GALNT7: variants seen among roughly 807,000 people sequenced by gnomAD.
GALNT7 encodes the protein polypeptide N-acetylgalactosaminyltransferase 7.
Under a neutral mutation model 82.1 loss-of-function variants are expected in GALNT7, and 60 were observed. The observed-to-expected ratio is 0.73, with a 90% confidence interval of 0.59 to 0.91. GALNT7 has a LOEUF of 0.91. GALNT7 is among the 40% of genes least tolerant of loss of function. The pLI is 0.00. For synonymous variants in GALNT7, 243 were observed against 275.1 expected, an observed-to-expected ratio of 0.88 and a Z score of 1.15; for missense variants, 660 against 804.2, an observed-to-expected ratio of 0.82 and a Z score of 2.17.
At position 173,318,571 on chromosome 4, in the gene GALNT7, T is replaced by C. The variant is rs1186484383; in HGVS notation, c.1836+12T>C. ...GGCAGTACTTCAAGGTATTCTGCAT[T>C]TTAACTTCTGAAATATTATATGCTT... On this transcript the variant is annotated intron_variant, in intron 11 of 11. Coordinates refer to ENST00000265000, the MANE Select transcript of GALNT7 (RefSeq NM_017423.3). The C allele has an allele frequency of 2.0e-6, 3 of 1,485,340 alleles. No homozygotes were observed. The highest frequency in any genetic ancestry group is 2.8e-6 in the Non-Finnish European group (3 of 1,067,642). 92.0% of individuals were successfully genotyped at this position (1,485,340 alleles called of 1,614,324 possible).
At chr4:173,178,052 T>TGTGTGTGCGCGCGCGCGCGCGC (rs563102408) in intron 1 of GALNT7, among the ~76,000 whole-genome samples, 3 of 129,510 alleles carry the variant, frequency 2.3e-5, no homozygotes, top group South Asian at 2.6e-4. Flanking sequence ...TGTGTGTGTG[T>TGTGTGTGCGCGCGCGCGCGCGC]GCGCGCACGC....
Position 173,313,928 on chromosome 4 carries a change from G to GATAT in GALNT7, c.1390-17_1390-14dup, listed in dbSNP as rs138768800. ...GATATGACATTTGTATTTTTATAAC[G>GATAT]ATATATATATATATATTTTTTTTTT... is the stretch of plus-strand genomic sequence containing the variant. On this transcript the variant is annotated intron_variant, in intron 8 of 11. Transcript: ENST00000265000. 582 of 943,604 alleles carry GATAT rather than the reference G, an allele frequency of 6.2e-4. 3 individuals are homozygous for GATAT. The East Asian group carries it at 0.013, about 21-fold the overall frequency. 58.5% of individuals were successfully genotyped at this position (943,604 alleles called of 1,614,324 possible). A position where few individuals can be genotyped will look rare whatever the true frequency, so the allele number is the denominator to read the frequency against.
chr4:173,187,997 A>G (rs1247999465), intron 1 of GALNT7, among the ~76,000 whole-genome samples: 1 of 152,142 alleles, frequency 6.6e-6, no homozygotes, highest in East Asian at 1.9e-4. Flanking sequence ...CTTCTTTTCT[A>G]TGTCTTTGCA....
intron 1 of GALNT7, among the ~76,000 whole-genome samples, chr4:173,200,167 T>G (rs1227186210): frequency 6.6e-6 from 1 of 152,240 alleles, no homozygotes; most frequent in Non-Finnish European, 1.5e-5. Context: ...CAATTATATA[T>G]CTAACTTCTG....
At chr4:173,219,764 A>ATT (rs200106345) in intron 1 of GALNT7, among the ~76,000 whole-genome samples, 1 of 151,340 alleles carries the variant, frequency 6.6e-6, no homozygotes, top group East Asian at 1.9e-4. Context: ...GCATTTTTTC[A>ATT]TTTTTTTTGG....
chr4:173,217,209 T>C (rs1048566156), intron 1 of GALNT7, among the ~76,000 whole-genome samples: 1 of 152,122 alleles, frequency 6.6e-6, no homozygotes, highest in African/African-American at 2.4e-5. Flanking sequence ...TGCATATACA[T>C]GTATAGGCAT....
intron 1 of GALNT7, among the ~76,000 whole-genome samples, chr4:173,232,180 T>C (rs1579935824): frequency 2.6e-5 from 4 of 151,976 alleles, no homozygotes; most frequent in Non-Finnish European, 5.9e-5. Context: ...GACTGACTAA[T>C]GAGTACAGGG....
chr4:173,215,379 TGC>T (rs1733412238), intron 1 of GALNT7, among the ~76,000 whole-genome samples: 1 of 152,066 alleles, frequency 6.6e-6, no homozygotes, highest in African/African-American at 2.4e-5. Context: ...TACAGGCGTG[TGC>T]CACCATGCCT....
At chr4:173,189,922 G>T (rs1425572910) in intron 1 of GALNT7, among the ~76,000 whole-genome samples, 1 of 151,740 alleles carries the variant, frequency 6.6e-6, no homozygotes, top group Non-Finnish European at 1.5e-5. Flanking sequence ...AACTTTAAGG[G>T]ATAGTAAATA....
intron 1 of GALNT7, among the ~76,000 whole-genome samples, chr4:173,175,038 G>C (rs75746885): frequency 0.014 from 2,133 of 152,302 alleles, 46 homozygotes; most frequent in African/African-American, 0.047. Context: ...TCTGTAAACA[G>C]AATATGTGGA....
intron 1 of GALNT7, among the ~76,000 whole-genome samples, chr4:173,188,796 T>G (rs1201373082): frequency 6.6e-5 from 10 of 152,222 alleles, no homozygotes; most frequent in African/African-American, 2.4e-4. Flanking sequence ...CCTGACCACT[T>G]GAGTCCATAC....
chr4:173,184,994 A>G (rs996162031), intron 1 of GALNT7, among the ~76,000 whole-genome samples: 5 of 152,230 alleles, frequency 3.3e-5, no homozygotes, highest in South Asian at 2.1e-4. Flanking sequence ...TTAGATACAT[A>G]TTAATTTACC....
intron 2 of GALNT7, among the ~76,000 whole-genome samples, chr4:173,259,805 T>G (rs1735191472): frequency 6.6e-6 from 1 of 152,048 alleles, no homozygotes; most frequent in African/African-American, 2.4e-5. Flanking sequence ...GCCCAGCTAG[T>G]TTTTGTATTT....
At chr4:173,223,003 T>C (rs1733691179) in intron 1 of GALNT7, among the ~76,000 whole-genome samples, 1 of 152,230 alleles carries the variant, frequency 6.6e-6, no homozygotes. Flanking sequence ...TAATTTTTTT[T>C]CACAATAAGA....
intron 1 of GALNT7, among the ~76,000 whole-genome samples, chr4:173,177,966 C>T (rs1732104842): frequency 1.3e-5 from 2 of 150,652 alleles, no homozygotes; most frequent in Non-Finnish European, 2.9e-5. Context: ...TCTGGGCTAC[C>T]ATAACTTTAT....
At chr4:173,180,650 G>A (rs533326645) in intron 1 of GALNT7, among the ~76,000 whole-genome samples, 7 of 152,304 alleles carry the variant, frequency 4.6e-5, no homozygotes, top group East Asian at 1.9e-4. Flanking sequence ...ATGAAAGCCT[G>A]TGTACCTGGA....
At chr4:173,291,386 G>A (rs890463600) in intron 2 of GALNT7, among the ~76,000 whole-genome samples, 2 of 152,174 alleles carry the variant, frequency 1.3e-5, no homozygotes, top group African/African-American at 4.8e-5. Flanking sequence ...CTGAAAGAGT[G>A]TTTGGTCCCT....
chr4:173,243,702 T>G (rs1244693199), intron 1 of GALNT7, among the ~76,000 whole-genome samples: 1 of 152,238 alleles, frequency 6.6e-6, no homozygotes, highest in Non-Finnish European at 1.5e-5. Flanking sequence ...TTTAATGACA[T>G]GCAGCCTCTG....
chr4:173,225,606 A>G (rs563593296), intron 1 of GALNT7, among the ~76,000 whole-genome samples: 269 of 152,328 alleles, frequency 1.8e-3, no homozygotes, highest in Non-Finnish European at 3.3e-3. Context: ...CCTTGCAGGA[A>G]CCTTATTGTG....
Sources: gnomAD v4.1 joint callset for allele counts (sites outside exome capture counted in the v4.1 genomes callset) on GRCh38, gnomAD v4.1.1 for gene constraint, MANE v1.5 for transcripts, NCBI Gene and HGNC (gene_info 2026-07-23, HGNC 2026-07-21) for gene names.